The following ARB2A variants were observed in gnomAD, a reference collection of about 807,000 sequenced individuals.
ARB2A encodes cotranscriptional regulator ARB2A.
the ARB2A span, among the ~76,000 whole-genome samples, chr5:93,859,304 G>A: frequency 6.6e-6 from 1 of 151,742 alleles, no homozygotes; most frequent in Non-Finnish European, 1.5e-5. Context: ...ATAGGGTCAG[G>A]ATAATTATCA....
At chr5:93,986,507 C>T in the ARB2A span, among the ~76,000 whole-genome samples, 4 of 152,202 alleles carry the variant, frequency 2.6e-5, no homozygotes, top group South Asian at 2.1e-4. Flanking sequence ...GCTGCCACCC[C>T]GTTTGGGAGG....
chr5:93,620,984 C>T, the ARB2A span: 1 of 1,603,466 alleles, frequency 6.2e-7, no homozygotes, highest in South Asian at 1.1e-5. Context: ...GCGCTCGCTC[C>T]TCTTACAGCT....
the ARB2A span, among the ~76,000 whole-genome samples, chr5:93,985,839 C>T: frequency 4.5e-4 from 69 of 152,340 alleles, no homozygotes; most frequent in Admixed American, 1.3e-3. Context: ...TCTGCCCCGC[C>T]GCCACCCCGT....
the ARB2A span, among the ~76,000 whole-genome samples, chr5:94,020,465 G>T: frequency 2.6e-5 from 4 of 152,134 alleles, no homozygotes; most frequent in Non-Finnish European, 5.9e-5. Context: ...ACTAACAGTG[G>T]TGGTTGGTAA....
chr5:94,083,040 C>A, the ARB2A span, among the ~76,000 whole-genome samples: 1 of 152,130 alleles, frequency 6.6e-6, no homozygotes, highest in South Asian at 2.1e-4. Flanking sequence ...AGCTCCGAAT[C>A]CTCCTGCTTT....
At chr5:94,099,910 A>T in the ARB2A span, among the ~76,000 whole-genome samples, 1 of 152,244 alleles carries the variant, frequency 6.6e-6, no homozygotes, top group African/African-American at 2.4e-5. Context: ...CACCACATCT[A>T]TTCAACATAG....
At chr5:93,808,880 T>TA in the ARB2A span, among the ~76,000 whole-genome samples, 6 of 151,986 alleles carry the variant, frequency 3.9e-5, no homozygotes, top group African/African-American at 1.4e-4. Context: ...TTTTATAAGT[T>TA]AAAAAATCAA....
chr5:93,884,758 A>G, the ARB2A span, among the ~76,000 whole-genome samples: 1 of 151,602 alleles, frequency 6.6e-6, no homozygotes, highest in Non-Finnish European at 1.5e-5. Context: ...CTGTAAAAAA[A>G]CTAACATTTA....
the ARB2A span, among the ~76,000 whole-genome samples, chr5:93,658,450 T>C: frequency 6.6e-6 from 1 of 152,124 alleles, no homozygotes; most frequent in Non-Finnish European, 1.5e-5. Flanking sequence ...TGTTAGTCTA[T>C]GTTTCTTTGA....
the ARB2A span, among the ~76,000 whole-genome samples, chr5:94,108,038 C>T: frequency 3.9e-5 from 6 of 152,280 alleles, no homozygotes; most frequent in Non-Finnish European, 7.4e-5. Context: ...CTTTGCCACT[C>T]TCCATCTAGT....
At chr5:94,104,951 G>A in the ARB2A span, among the ~76,000 whole-genome samples, 2 of 150,456 alleles carry the variant, frequency 1.3e-5, no homozygotes, top group South Asian at 2.1e-4. Flanking sequence ...AATTTAACAT[G>A]TGTTAAAAAT....
At chr5:93,637,108 C>A in the ARB2A span, among the ~76,000 whole-genome samples, 2 of 152,208 alleles carry the variant, frequency 1.3e-5, no homozygotes, top group African/African-American at 4.8e-5. Context: ...CCCTTGGCAA[C>A]TACTGATCTG....
the ARB2A span, among the ~76,000 whole-genome samples, chr5:93,844,548 T>C: frequency 6.6e-6 from 1 of 152,084 alleles, no homozygotes; most frequent in Non-Finnish European, 1.5e-5. Context: ...AGTAAAAAAA[T>C]TTGTATCTCA....
At chr5:94,057,250 ATAT>A in the ARB2A span, among the ~76,000 whole-genome samples, 1 of 152,188 alleles carries the variant, frequency 6.6e-6, no homozygotes, top group African/African-American at 2.4e-5. Context: ...TACCTTGAAG[ATAT>A]TATGCAAAGT....
chr5:93,752,629 A>G, the ARB2A span, among the ~76,000 whole-genome samples: 1 of 152,242 alleles, frequency 6.6e-6, no homozygotes, highest in African/African-American at 2.4e-5. Context: ...GAAAACTGAA[A>G]AAGTCAAAAT....
At chr5:93,900,273 T>C in the ARB2A span, among the ~76,000 whole-genome samples, 1 of 151,952 alleles carries the variant, frequency 6.6e-6, no homozygotes, top group African/African-American at 2.4e-5. Flanking sequence ...AGTATTAAGG[T>C]AAAAATAAAA....
the ARB2A span, among the ~76,000 whole-genome samples, chr5:93,629,561 G>C: frequency 1.6e-3 from 249 of 152,010 alleles, no homozygotes; most frequent in African/African-American, 5.6e-3. Context: ...TACTTCCTAG[G>C]GTCTGGCTTA....
chr5:93,744,229 G>A, the ARB2A span, among the ~76,000 whole-genome samples: 1 of 151,760 alleles, frequency 6.6e-6, no homozygotes, highest in African/African-American at 2.4e-5. Flanking sequence ...GAAGTCAGGA[G>A]TTCAAGACCA....
chr5:93,670,495 C>A, the ARB2A span, among the ~76,000 whole-genome samples: 1 of 152,112 alleles, frequency 6.6e-6, no homozygotes, highest in Non-Finnish European at 1.5e-5. Context: ...AATTCAGTAG[C>A]CTTTTTTGAA....
Sources: gnomAD v4.1 joint callset for allele counts (sites outside exome capture counted in the v4.1 genomes callset) on GRCh38, gnomAD v4.1.1 for gene constraint, MANE v1.5 for transcripts, NCBI Gene and HGNC (gene_info 2026-07-23, HGNC 2026-07-21) for gene names.